RILPL2: variants seen among roughly 807,000 people sequenced by gnomAD.
RILPL2 encodes RILP-like protein 2.
RILPL2 carries 19 observed loss-of-function variants against 22.2 expected under a neutral mutation model. That is an observed-to-expected ratio of 0.86 (90% CI 0.60 to 1.25). The LOEUF (loss-of-function observed/expected upper bound fraction) is 1.25, where lower values mean the gene tolerates loss of function less well. Among genes scored for constraint, RILPL2 ranks in the 50% most tolerant of loss-of-function variants. RILPL2 has a pLI of 0.00. For synonymous variants in RILPL2, 123 were observed against 111.6 expected (o/e 1.10, Z -0.64); for missense variants, 243 against 263.6 (o/e 0.92, Z 0.54).
At chr12:123,424,358 G>A (rs1315963371) in intron 2 of RILPL2, among the ~76,000 whole-genome samples, 1 of 126,536 alleles carries the variant, frequency 7.9e-6, no homozygotes, top group Non-Finnish European at 1.7e-5. Context: ...TTGAGACAGA[G>A]TCTTGCTCTG....
At chr12:123,435,232 T>C (rs558724058) in intron 1 of RILPL2, among the ~76,000 whole-genome samples, 111 of 152,150 alleles carry the variant, frequency 7.3e-4, no homozygotes, top group African/African-American at 2.6e-3. Flanking sequence ...CTTCTTTCTC[T>C]CAATGTTACA....
At chr12:123,426,693 C>CG (rs1326509471) in intron 2 of RILPL2, among the ~76,000 whole-genome samples, 14 of 152,000 alleles carry the variant, frequency 9.2e-5, no homozygotes, top group Non-Finnish European at 2.1e-4. Context: ...CTCTGCCCCC[C>CG]GGGGCTCACG....
intron 3 of RILPL2, among the ~76,000 whole-genome samples, chr12:123,421,825 G>A (rs1226553813): frequency 2.6e-5 from 4 of 151,592 alleles, no homozygotes; most frequent in Non-Finnish European, 2.9e-5. Context: ...CTGCCATCAC[G>A]CCCGGCTAAT....
chr12:123,428,757 A>C (rs1879514308), intron 2 of RILPL2, among the ~76,000 whole-genome samples: 1 of 152,184 alleles, frequency 6.6e-6, no homozygotes, highest in Non-Finnish European at 1.5e-5. Flanking sequence ...TCTGGTCCTC[A>C]GCTCAGCATA....
At chr12:123,418,043 A>G (rs951832913) in intron 3 of RILPL2, among the ~76,000 whole-genome samples, 4 of 152,104 alleles carry the variant, frequency 2.6e-5, no homozygotes, top group African/African-American at 9.7e-5. Context: ...TCTTGTGCTC[A>G]AGAGATCCTC....
At chr12:123,416,572 G>A (rs553905665) in intron 3 of RILPL2, among the ~76,000 whole-genome samples, 39 of 146,428 alleles carry the variant, frequency 2.7e-4, no homozygotes, top group African/African-American at 9.3e-4. Flanking sequence ...CCCGGGAGGC[G>A]GAGCTTGCAG....
chr12:123,432,086 G>A (rs1879669286), intron 1 of RILPL2, among the ~76,000 whole-genome samples: 2 of 152,008 alleles, frequency 1.3e-5, no homozygotes, highest in African/African-American at 4.8e-5. Context: ...AGTAGAAACA[G>A]GGTTTCACCA....
In RILPL2 at chr12:123,436,291, T is replaced by G. The variant is rs146871720; in HGVS notation, c.130A>C (p.Ile44Leu). 1.4e-5 allele frequency: 23 copies of G among 1,603,314 alleles called. No individual in the cohort carries two copies. In the African/African-American group the frequency reaches 2.9e-4, roughly 21 times the overall value. The change falls in exon 1 of 4, where the codon ATC (isoleucine) becomes CTC (leucine). Residue 44 changes from isoleucine to leucine, a missense_variant. By Grantham distance (5) the Ile-to-Leu change is conservative. Transcript: ENST00000280571. This position sits in a 1 kb window ranked among gnomAD's most constrained non-coding sequence, Gnocchi z 6.7. ...FQLTAEDVYDISYLLGRELMA... is the reference protein window; with the variant it reads ...FQLTAEDVYDLSYLLGRELMA... ...AGCTCGCGGCCCAACAGGTAGGAGA[T>G]GTCATACACGTCCTCGGCGGTCAGC...
At chr12:123,418,756 C>CT (rs1202023726) in intron 3 of RILPL2, among the ~76,000 whole-genome samples, 16,931 of 96,178 alleles carry the variant, frequency 0.18, 1,564 homozygotes, top group Middle Eastern at 0.25. Context: ...CTTTTTCTTT[C>CT]TTTTTTTTTT....
rs140929202 is a variant in RILPL2 at position 123,415,079 on chromosome 12, G to A, written c.*812C>T. ...TTATTTACTAAGAAGACAGGCTCAC[G>A]GAATGGTTGCGGCAGCCTCATTAGT... is the stretch of plus-strand genomic sequence containing the variant. On this transcript the variant is annotated 3_prime_UTR_variant, in exon 4 of 4. Transcript: ENST00000280571. The A allele has an allele frequency of 1.3e-5, 2 of 152,280 alleles. No individual in the cohort carries two copies. Among genetic ancestry groups the A allele is most frequent in the South Asian group, 2.1e-4 (1 of 4,828 alleles). The allele number at this position is 152,280 out of a possible 1,614,324, so 9.4% of individuals were successfully genotyped here.
At chr12:123,431,360 G>T (rs1437378573) in intron 1 of RILPL2, among the ~76,000 whole-genome samples, 1 of 144,272 alleles carries the variant, frequency 6.9e-6, no homozygotes, top group Non-Finnish European at 1.5e-5. Context: ...GATTCAGAGG[G>T]ACAGAAAGTA....
chr12:123,423,512 C>T (rs1879347636), intron 2 of RILPL2, among the ~76,000 whole-genome samples: 1 of 151,246 alleles, frequency 6.6e-6, no homozygotes, highest in Non-Finnish European at 1.5e-5. Context: ...TTATTACAGA[C>T]CTCTTATCTG....
intron 2 of RILPL2, among the ~76,000 whole-genome samples, chr12:123,429,798 G>A (rs1488089208): frequency 6.6e-6 from 1 of 151,598 alleles, no homozygotes; most frequent in East Asian, 1.9e-4. Context: ...ATGGAGACTG[G>A]CCTCTTGTCA....
intron 1 of RILPL2, among the ~76,000 whole-genome samples, chr12:123,431,807 C>T (rs1879659543): frequency 1.5e-5 from 2 of 136,758 alleles, no homozygotes; most frequent in African/African-American, 5.5e-5. Flanking sequence ...GCCTGGGCGA[C>T]AGAGCGAAAC....
intron 3 of RILPL2, among the ~76,000 whole-genome samples, chr12:123,417,209 G>A (rs2139231712): frequency 6.6e-6 from 1 of 151,880 alleles, no homozygotes; most frequent in Non-Finnish European, 1.5e-5. Flanking sequence ...TGAGGTGGGA[G>A]GATCGCTTGA....
Position 123,430,502 on chromosome 12 carries a change from G to C in RILPL2, c.491+6C>G, listed in dbSNP as rs765857295. On this transcript the variant is annotated splice_donor_region_variant and intron_variant, in intron 2 of 3. Transcript: ENST00000280571. ...GGTGCAGGACCCTCCAGGCAGTGGA[G>C]CCCACCTCTTGTAGCACTGCAGCTC... 6.2e-7 allele frequency: 1 copy of C among 1,601,222 alleles called. No homozygotes were observed. The highest frequency in any genetic ancestry group is 8.5e-7 in the Non-Finnish European group (1 of 1,172,598).
intron 3 of RILPL2, among the ~76,000 whole-genome samples, chr12:123,421,032 C>A (rs1373632010): frequency 6.6e-6 from 1 of 151,332 alleles, no homozygotes; most frequent in Non-Finnish European, 1.5e-5. Flanking sequence ...TAAGTGGGAG[C>A]TATGTTAAAT....
chr12:123,423,083 G>C lies in RILPL2; in HGVS notation c.566C>G (p.Ala189Gly). The change falls in exon 3 of 4, where the codon GCT (alanine) becomes GGT (glycine). Residue 189 changes from alanine (A) to glycine (G), a missense_variant. Coordinates refer to ENST00000280571, the MANE Select transcript of RILPL2 (RefSeq NM_145058.3). ...KDAVVTSAKN[A>G]GRNKEEKTII... is the part of the protein sequence containing the mutation. The stretch of plus-strand genomic sequence containing the variant: ...TGTCTTCTCCTCCTTGTTCCTGCCA[G>C]CATTTTTGGCACTAGTAACCACAGC... 6.8e-6 allele frequency: 11 copies of C among 1,613,542 alleles called. No individual in the cohort carries two copies. The highest frequency in any genetic ancestry group is 9.3e-6 in the Non-Finnish European group (11 of 1,179,808).
At chr12:123,417,492 C>A (rs1879149582) in intron 3 of RILPL2, among the ~76,000 whole-genome samples, 1 of 152,132 alleles carries the variant, frequency 6.6e-6, no homozygotes, top group Non-Finnish European at 1.5e-5. Context: ...CAGAAAGAAT[C>A]CACGTGGCCC....
Sources: allele counts gnomAD v4.1 joint callset (sites outside exome capture counted in the v4.1 genomes callset), GRCh38; gene constraint gnomAD v4.1.1; non-coding constraint Gnocchi (gnomAD v3.1); transcripts MANE v1.5; gene names NCBI Gene and HGNC (gene_info 2026-07-23, HGNC 2026-07-21).